TBC1D20: variants seen among roughly 807,000 people sequenced by gnomAD.
TBC1D20 encodes the protein TBC1 domain family member 20.
Under a neutral mutation model 41.6 loss-of-function variants are expected in TBC1D20, and 12 were observed. The observed-to-expected ratio is 0.29, with a 90% CI of 0.18 to 0.47. The LOEUF (loss-of-function observed/expected upper bound fraction) is 0.47. Ranked by LOEUF, TBC1D20 falls within the 20% of genes least tolerant of loss-of-function variation. The pLI is 1.00. For missense variants in TBC1D20, 421 were observed against 517.4 expected, an observed-to-expected ratio of 0.81 and a Z score of 1.81; for synonymous variants, 205 against 204.8, an observed-to-expected ratio of 1.00 and a Z score of -0.01.
chr20:456,723 C>G (rs920191441), intron 1 of TBC1D20, among the ~76,000 whole-genome samples: 1 of 151,690 alleles, frequency 6.6e-6, no homozygotes, highest in Non-Finnish European at 1.5e-5. Context: ...CACCACCACG[C>G]CTGGCTAATT....
At chr20:459,136 T>G (rs936057366) in intron 1 of TBC1D20, among the ~76,000 whole-genome samples, 15 of 151,970 alleles carry the variant, frequency 9.9e-5, no homozygotes, top group African/African-American at 3.6e-4. Flanking sequence ...AGGGAGGGAG[T>G]TAGCAGCGTC....
intron 1 of TBC1D20, among the ~76,000 whole-genome samples, chr20:457,720 C>T (rs1395798499): frequency 6.6e-6 from 1 of 152,166 alleles, no homozygotes; most frequent in Non-Finnish European, 1.5e-5. Flanking sequence ...AGAGGCTGGG[C>T]TGGATTCATC....
chr20:454,650 C>CATTATT (rs11471553), intron 1 of TBC1D20, among the ~76,000 whole-genome samples: 52,366 of 149,278 alleles, frequency 0.35, 9,755 homozygotes, highest in Middle Eastern at 0.44. Context: ...CAAAGCTGTA[C>CATTATT]ATTATTATTA....
intron 1 of TBC1D20, among the ~76,000 whole-genome samples, chr20:460,321 A>T (rs1169175550): frequency 6.6e-6 from 1 of 151,934 alleles, no homozygotes; most frequent in East Asian, 1.9e-4. Context: ...AGTCCCAGCT[A>T]CTCAGGAGGC....
At position 461,051 on chromosome 20, in the gene TBC1D20, G is replaced by A. The variant is rs1444040169; in HGVS notation, c.70+1285C>T. On this transcript the variant is annotated intron_variant, in intron 1 of 7. Coordinates refer to ENST00000354200, the MANE Select transcript of TBC1D20 (RefSeq NM_144628.4). ...TAAGAAAAAGGGAAAAACAGAAAAT[G>A]AGCCCAAATAAAATATAAAATAAAA... is the stretch of plus-strand genomic sequence containing the variant. Among the ~76,000 whole-genome samples the A allele has an allele frequency of 2.0e-5, 3 of 152,144 alleles. No individual in the cohort carries two copies. The East Asian group carries it at 5.8e-4, about 29-fold the overall frequency.
chr20:441,949 C>T lies in TBC1D20; in HGVS notation c.432G>A (p.Gln144=). 1 of 1,614,084 alleles carries T rather than the reference C, an allele frequency of 6.2e-7. No individual in the cohort carries two copies. Among genetic ancestry groups the T allele is most frequent in the Non-Finnish European group, 8.5e-7 (1 of 1,180,024 alleles). Residue 144 remains glutamine, a synonymous_variant, in exon 4 of 8, where the codon CAG becomes CAA. Transcript: ENST00000354200. The stretch of plus-strand genomic sequence containing the variant: ...ATGTGACCACAATGTCATGGTAGCC[C>T]TGGTAGTAGTGCAGCTGAGGGTTGC... ...LERNPQLHYY[Q]GYHDIVVTFL... is the part of the protein sequence containing the mutation.
chr20:452,941 C>T (rs935183601), intron 1 of TBC1D20, among the ~76,000 whole-genome samples: 3 of 151,604 alleles, frequency 2.0e-5, no homozygotes, highest in East Asian at 1.9e-4. Context: ...CCTGAGATTG[C>T]GAGTTTGAGA....
Position 441,550 on chromosome 20 carries a change from G to T in TBC1D20, c.626+38C>A, listed in dbSNP as rs546466649. On this transcript the variant is annotated intron_variant, in intron 5 of 7. Coordinates refer to ENST00000354200, the MANE Select transcript of TBC1D20 (RefSeq NM_144628.4). ...TTCAGGTGTGGGGGGGTGTGGGCGT[G>T]TGTATGCATGCACACAGAAATGCAG... is the stretch of plus-strand genomic sequence containing the variant. The T allele has an allele frequency of 2.9e-5, 44 of 1,525,694 alleles. No individual in the cohort carries two copies. The South Asian group carries it at 4.8e-4, about 17-fold the overall frequency. 94.5% of individuals were successfully genotyped at this position (1,525,694 alleles called of 1,614,324 possible). A position where few individuals can be genotyped will look rare whatever the true frequency, so the allele number is the denominator to read the frequency against.
chr20:441,812 G>C (rs777294033), intron 4 of TBC1D20, 45 bp downstream of exon 4: 2 of 1,597,952 alleles, frequency 1.3e-6, no homozygotes. Context: ...CCCCAGGACG[G>C]CTGAGGAGTG....
chr20:452,320 A>T (rs1011256539), intron 1 of TBC1D20, among the ~76,000 whole-genome samples: 2 of 151,934 alleles, frequency 1.3e-5, no homozygotes, highest in Non-Finnish European at 2.9e-5. Flanking sequence ...AAAACAAACA[A>T]ACAAAAAAAA....
Position 442,056 on chromosome 20 carries a change from A to G in TBC1D20, c.338-13T>C, listed in dbSNP as rs776195404. The stretch of plus-strand genomic sequence containing the variant: ...TCCTCTGGCATGCCTGGGGACAGGA[A>G]CAGAGATGCCTTTGAACATACCAAG... On this transcript the variant is annotated splice_polypyrimidine_tract_variant and intron_variant, in intron 3 of 7. Transcript: ENST00000354200. 2 of 1,603,176 alleles carry G rather than the reference A, an allele frequency of 1.2e-6. No homozygotes were observed. The highest frequency in any genetic ancestry group is 1.7e-6 in the Non-Finnish European group (2 of 1,172,590).
chr20:445,985 A>G (rs1241333722), intron 2 of TBC1D20, among the ~76,000 whole-genome samples: 1 of 152,268 alleles, frequency 6.6e-6, no homozygotes. Context: ...AAGGATAATA[A>G]CAAGTGGCAA....
chr20:455,320 C>CTAG, intron 1 of TBC1D20, among the ~76,000 whole-genome samples: 1 of 152,094 alleles, frequency 6.6e-6, no homozygotes, highest in African/African-American at 2.4e-5. Context: ...GGTTACCTAC[C>CTAG]TAGAAATCAT....
intron 2 of TBC1D20, 40 bp from the exon 3 acceptor site, chr20:445,170 G>C (rs773438519): frequency 6.6e-7 from 1 of 1,510,630 alleles, no homozygotes; most frequent in South Asian, 1.2e-5. Context: ...GAATGCCTGA[G>C]AAGCCAGACC....
intron 1 of TBC1D20, among the ~76,000 whole-genome samples, chr20:457,211 C>A (rs2017557818): frequency 6.6e-6 from 1 of 152,176 alleles, no homozygotes; most frequent in Admixed American, 6.5e-5. Context: ...GCTAGGATTA[C>A]AGGCATGAGC....
chr20:442,901 T>C (rs920687171), intron 3 of TBC1D20, among the ~76,000 whole-genome samples: 2 of 152,160 alleles, frequency 1.3e-5, no homozygotes, highest in East Asian at 3.9e-4. Flanking sequence ...ATCGAGACCA[T>C]CCTGGCTAAT....
At chr20:447,476 G>A (rs896469166) in intron 2 of TBC1D20, among the ~76,000 whole-genome samples, 2 of 151,686 alleles carry the variant, frequency 1.3e-5, no homozygotes, top group African/African-American at 4.8e-5. Flanking sequence ...TGGTCAACAT[G>A]GCAAAACCCC....
chr20:448,332 T>C (rs1052327664), intron 1 of TBC1D20, among the ~76,000 whole-genome samples: 2 of 151,932 alleles, frequency 1.3e-5, no homozygotes, highest in South Asian at 4.1e-4. Context: ...TAGTCTCTTT[T>C]TATAGGTCTG....
chr20:453,344 CAT>C (rs1169756113), intron 1 of TBC1D20, among the ~76,000 whole-genome samples: 5,062 of 142,674 alleles, frequency 0.035, 104 homozygotes, highest in African/African-American at 0.061. Context: ...CGTGGCGGCG[CAT>C]GCCTGTAATC....
Sources: gnomAD v4.1 joint callset for allele counts (sites outside exome capture counted in the v4.1 genomes callset) on GRCh38, gnomAD v4.1.1 for gene constraint, MANE v1.5 for transcripts, NCBI Gene and HGNC (gene_info 2026-07-23, HGNC 2026-07-21) for gene names.